Variants in ERC1 observed in about 807,000 individuals in gnomAD.
ERC1 encodes ELKS/RAB6-interacting/CAST family member 1.
In ERC1, 56 loss-of-function variants were observed where a neutral mutation model predicts 132.0. That is an observed-to-expected ratio of 0.42 (90% CI 0.34 to 0.53). ERC1 has a LOEUF of 0.53. ERC1 is among the 20% of genes least tolerant of loss of function. The probability of loss-of-function intolerance (pLI) is 0.03; values close to 1 mark genes in which losing one functional copy is unlikely to be tolerated. For missense variants in ERC1, 1,202 were observed against 1,349.9 expected (o/e 0.89, Z 1.72); for synonymous variants, 478 against 476.1 (o/e 1.00, Z -0.05).
chr12:1,286,451 C>G (rs950050015), intron 14 of ERC1, among the ~76,000 whole-genome samples: 2 of 151,718 alleles, frequency 1.3e-5, no homozygotes, highest in African/African-American at 4.8e-5. Context: ...AGGGAATTTC[C>G]TTAACTTAAT....
At chr12:1,439,035 A>G (rs969092680) in intron 17 of ERC1, among the ~76,000 whole-genome samples, 3 of 152,106 alleles carry the variant, frequency 2.0e-5, no homozygotes, top group Non-Finnish European at 4.4e-5. Flanking sequence ...TAAGCCCCAA[A>G]TAATATTCAG....
intron 2 of ERC1, among the ~76,000 whole-genome samples, chr12:1,035,111 G>T (rs1968815343): frequency 6.6e-6 from 1 of 152,188 alleles, no homozygotes; most frequent in Non-Finnish European, 1.5e-5. Context: ...CAGAGACAGA[G>T]AATGCTAATT....
chr12:1,104,636 T>C (rs1565974047), intron 3 of ERC1, 114 bp from the exon 4 acceptor site: 1 of 725,118 alleles, frequency 1.4e-6, no homozygotes, highest in East Asian at 2.5e-5. Flanking sequence ...ACAGAAGGGG[T>C]CATTGTCTCA....
At chr12:1,109,334 TAACATGATAAA>T (rs1945595569) in intron 4 of ERC1, among the ~76,000 whole-genome samples, 1 of 152,248 alleles carries the variant, frequency 6.6e-6, no homozygotes, top group Non-Finnish European at 1.5e-5. Context: ...TAAGGATTGC[TAACATGATAAA>T]TAACTTAATT....
chr12:1,434,834 A>C (rs766688667), intron 17 of ERC1, among the ~76,000 whole-genome samples: 52 of 152,182 alleles, frequency 3.4e-4, no homozygotes, highest in Admixed American at 5.9e-4. Flanking sequence ...CTTTCGTCAT[A>C]GTCAATTGTA....
At position 1,336,749 on chromosome 12, in the gene ERC1, C is replaced by G. The variant is rs533954894; in HGVS notation, c.2781-35084C>G. On this transcript the variant is annotated intron_variant, in intron 15 of 18. Coordinates refer to ENST00000360905, the MANE Select transcript of ERC1 (RefSeq NM_178040.4). ...TTTTGGGTGGAGAATTCTGTAGATT[C>G]CTGTCAAGTCCCTTTGATCCTATGC... Among the ~76,000 whole-genome samples the G allele has an allele frequency of 3.3e-5, 5 of 151,780 alleles. No individual in the cohort carries two copies. The South Asian group carries it at 1.0e-3, about 32-fold the overall frequency.
intron 8 of ERC1, among the ~76,000 whole-genome samples, chr12:1,147,597 T>C (rs1287596366): frequency 6.6e-6 from 1 of 152,242 alleles, no homozygotes; most frequent in Non-Finnish European, 1.5e-5. Flanking sequence ...AAGTTACTTG[T>C]AATTTTTACT....
At chr12:1,299,703 G>T (rs772905335) in intron 15 of ERC1, among the ~76,000 whole-genome samples, 1 of 151,844 alleles carries the variant, frequency 6.6e-6, no homozygotes, top group Non-Finnish European at 1.5e-5. Flanking sequence ...ATTCATAACC[G>T]GGTTCTTTAA....
At chr12:1,308,428 T>G (rs2081046699) in intron 15 of ERC1, among the ~76,000 whole-genome samples, 1 of 152,166 alleles carries the variant, frequency 6.6e-6, no homozygotes, top group Admixed American at 6.5e-5. Context: ...AAAGAATACT[T>G]GAAAATTCTT....
chr12:1,349,693 A>G (rs1381227235), intron 15 of ERC1, among the ~76,000 whole-genome samples: 1 of 151,566 alleles, frequency 6.6e-6, no homozygotes, highest in Non-Finnish European at 1.5e-5. Context: ...TATTTTTGAT[A>G]CCTTGGAATG....
chr12:1,177,943 C>G (rs1337317014), intron 8 of ERC1, among the ~76,000 whole-genome samples: 1 of 151,818 alleles, frequency 6.6e-6, no homozygotes, highest in Admixed American at 6.6e-5. Context: ...AGTGTTGATC[C>G]GTATGAGATT....
intron 18 of ERC1, among the ~76,000 whole-genome samples, chr12:1,446,945 A>C (rs982230119): frequency 1.3e-5 from 2 of 151,926 alleles, no homozygotes; most frequent in African/African-American, 4.8e-5. Context: ...GCTTGAGCCC[A>C]GGAGTTCAAG....
intron 15 of ERC1, among the ~76,000 whole-genome samples, chr12:1,338,666 G>A (rs986677568): frequency 2.0e-5 from 3 of 151,936 alleles, no homozygotes; most frequent in Non-Finnish European, 4.4e-5. Flanking sequence ...TCTTTCTGGG[G>A]TAATGTTTGT....
intron 14 of ERC1, among the ~76,000 whole-genome samples, chr12:1,278,625 C>T (rs1463213174): frequency 1.3e-5 from 2 of 152,120 alleles, no homozygotes; most frequent in Non-Finnish European, 2.9e-5. Flanking sequence ...AATCTTTAAT[C>T]ATAAGATTAA....
At position 1,493,548 on chromosome 12, in the gene ERC1, A is replaced by AAAAATATATAT. The variant is rs56939346; in HGVS notation, c.*3319_*3320insAAATATATATA. 1.5e-4 allele frequency: 2 copies of AAAAATATATAT among 13,622 alleles called. No individual in the cohort carries two copies. The highest frequency in any genetic ancestry group is 2.2e-4 in the African/African-American group (1 of 4,564). The allele number at this position is 13,622 out of a possible 1,614,324, so 0.8% of individuals were successfully genotyped here. ...ACTCCATTTAAAAAAAAAAAAAAAA[A>AAAAATATATAT]ATATATATATATATATATATATATA... On this transcript the variant is annotated 3_prime_UTR_variant, in exon 19 of 19. Coordinates refer to ENST00000360905, the MANE Select transcript of ERC1 (RefSeq NM_178040.4).
At chr12:1,142,244 A>T (rs1369459765) in intron 8 of ERC1, among the ~76,000 whole-genome samples, 1 of 152,168 alleles carries the variant, frequency 6.6e-6, no homozygotes, top group Admixed American at 6.6e-5. Context: ...TGTCTATTTC[A>T]ATACAAATCT....
chr12:1,395,608 G>C (rs2090467067), intron 16 of ERC1, among the ~76,000 whole-genome samples: 1 of 151,974 alleles, frequency 6.6e-6, no homozygotes, highest in South Asian at 2.1e-4. Flanking sequence ...GCTAAGAAGG[G>C]ATATCTTCAG....
chr12:1,112,538 TG>T (rs769115711), intron 6 of ERC1, among the ~76,000 whole-genome samples: 10 of 152,366 alleles, frequency 6.6e-5, no homozygotes, highest in African/African-American at 1.9e-4. Flanking sequence ...GGTACTTTAT[TG>T]TTGCTTTTGT....
intron 2 of ERC1, among the ~76,000 whole-genome samples, chr12:1,059,063 T>C (rs1180874501): frequency 1.3e-5 from 2 of 152,206 alleles, no homozygotes; most frequent in Non-Finnish European, 2.9e-5. Flanking sequence ...CCTTCTTGGT[T>C]CAATTTATTC....
Sources: allele counts gnomAD v4.1 joint callset (sites outside exome capture counted in the v4.1 genomes callset), GRCh38; gene constraint gnomAD v4.1.1; transcripts MANE v1.5; gene names NCBI Gene and HGNC (gene_info 2026-07-23, HGNC 2026-07-21).